Variants in MCTP1 observed in about 807,000 individuals in gnomAD.
MCTP1 encodes the protein multiple C2 and transmembrane domain containing 1, also known as multiple C2 and transmembrane domain-containing protein 1.
In MCTP1, 69 loss-of-function variants were observed where a neutral mutation model predicts 120.6. The observed-to-expected ratio is 0.57, with a 90% CI of 0.47 to 0.70. The LOEUF (loss-of-function observed/expected upper bound fraction) is 0.70. Ranked by LOEUF, MCTP1 falls within the 30% of genes least tolerant of loss-of-function variation. The pLI is 0.00. For synonymous variants in MCTP1, 529 were observed against 493.1 expected (o/e 1.07, Z -0.96); for missense variants, 1,203 against 1,248.8 (o/e 0.96, Z 0.55).
intron 1 of MCTP1, among the ~76,000 whole-genome samples, chr5:95,221,162 A>G (rs891053006): frequency 5.3e-5 from 8 of 152,026 alleles, no homozygotes; most frequent in Non-Finnish European, 1.0e-4. Flanking sequence ...TAACATGCCA[A>G]TGTGCTCTGA....
chr5:95,084,270 A>G (rs1755261296), intron 1 of MCTP1, among the ~76,000 whole-genome samples: 1 of 152,120 alleles, frequency 6.6e-6, no homozygotes, highest in Admixed American at 6.6e-5. Context: ...TTATTTCCAT[A>G]TTTTGGTACA....
intron 1 of MCTP1, among the ~76,000 whole-genome samples, chr5:95,246,206 C>G (rs1037414455): frequency 7.9e-5 from 12 of 152,122 alleles, no homozygotes; most frequent in Non-Finnish European, 1.8e-4. Context: ...ATAACTAGTA[C>G]CAGCCACTGC....
At chr5:94,850,683 T>G (rs1362841569) in intron 17 of MCTP1, among the ~76,000 whole-genome samples, 4 of 152,086 alleles carry the variant, frequency 2.6e-5, no homozygotes, top group Admixed American at 2.6e-4. Context: ...CTTTTGAAGG[T>G]TTCTTTTCTT....
intron 1 of MCTP1, among the ~76,000 whole-genome samples, chr5:95,106,631 C>T (rs1424584835): frequency 1.3e-5 from 2 of 152,156 alleles, no homozygotes; most frequent in Admixed American, 1.3e-4. Flanking sequence ...CGCTTCAATT[C>T]AACAAACATG....
At chr5:94,992,669 T>C (rs1379303852) in intron 2 of MCTP1, among the ~76,000 whole-genome samples, 3 of 152,188 alleles carry the variant, frequency 2.0e-5, no homozygotes, top group African/African-American at 7.2e-5. Flanking sequence ...CAAATGGGAA[T>C]TGCTAAATAA....
At chr5:95,171,789 G>C (rs117917684) in intron 1 of MCTP1, among the ~76,000 whole-genome samples, 1 of 152,032 alleles carries the variant, frequency 6.6e-6, no homozygotes, top group Non-Finnish European at 1.5e-5. Context: ...CTCTACACTG[G>C]TTAATCTAGT....
intron 1 of MCTP1, among the ~76,000 whole-genome samples, chr5:95,207,501 A>ATTAAATTGAT (rs1751759551): frequency 6.6e-6 from 1 of 152,194 alleles, no homozygotes; most frequent in African/African-American, 2.4e-5. Context: ...GCTAAATCTG[A>ATTAAATTGAT]TTAAATTGAT....
At chr5:95,032,946 T>C (rs1356816237) in intron 1 of MCTP1, among the ~76,000 whole-genome samples, 1 of 151,862 alleles carries the variant, frequency 6.6e-6, no homozygotes, top group African/African-American at 2.4e-5. Context: ...AATACAAAAG[T>C]TCCTCAGAGA....
In MCTP1 at chr5:95,248,790, CA is replaced by C. The variant is rs1757080962; in HGVS notation, c.720+35065del. Among the ~76,000 whole-genome samples, 6 of 152,244 alleles carry C rather than the reference CA, an allele frequency of 3.9e-5. No individual in the cohort carries two copies. The South Asian group carries it at 1.2e-3, about 32-fold the overall frequency. ...AACTATACTACAAGGCTACAGTAAC[CA>C]AAACAGGATGGTATGGTACCAAAAC... is the stretch of plus-strand genomic sequence containing the variant. On this transcript the variant is annotated intron_variant, in intron 1 of 22. Coordinates refer to ENST00000515393, the MANE Select transcript of MCTP1 (RefSeq NM_024717.7).
intron 1 of MCTP1, among the ~76,000 whole-genome samples, chr5:95,209,470 A>T (rs1246464972): frequency 6.6e-6 from 1 of 152,114 alleles, no homozygotes; most frequent in Non-Finnish European, 1.5e-5. Flanking sequence ...GATTATTCCT[A>T]TACTCAAAAA....
chr5:94,794,764 AT>A (rs1490969965), intron 18 of MCTP1, among the ~76,000 whole-genome samples: 1 of 152,248 alleles, frequency 6.6e-6, no homozygotes, highest in Non-Finnish European at 1.5e-5. Context: ...AAATTGCTTG[AT>A]AAATATCATT....
chr5:95,097,166 A>G (rs910009040), intron 1 of MCTP1, among the ~76,000 whole-genome samples: 9 of 152,196 alleles, frequency 5.9e-5, no homozygotes, highest in Admixed American at 3.3e-4. Context: ...AAAATAATCA[A>G]TGTTAATGTA....
At chr5:95,004,077 T>C (rs1008420714) in intron 2 of MCTP1, among the ~76,000 whole-genome samples, 1 of 152,216 alleles carries the variant, frequency 6.6e-6, no homozygotes, top group Admixed American at 6.5e-5. Context: ...CATTTGGAAC[T>C]AGAGTAAAGG....
At chr5:95,104,967 T>C (rs1756985932) in intron 1 of MCTP1, among the ~76,000 whole-genome samples, 1 of 152,348 alleles carries the variant, frequency 6.6e-6, no homozygotes, top group Middle Eastern at 3.4e-3. Context: ...TTTATCATTA[T>C]CTGTTCTGTA....
chr5:95,024,524 A>G (rs907131744), intron 1 of MCTP1, among the ~76,000 whole-genome samples: 2 of 152,140 alleles, frequency 1.3e-5, no homozygotes, highest in Admixed American at 6.6e-5. Flanking sequence ...TGAAAATTTG[A>G]AGGCTTTTCC....
intron 1 of MCTP1, among the ~76,000 whole-genome samples, chr5:95,019,437 C>G (rs1198438079): frequency 6.6e-6 from 1 of 151,994 alleles, no homozygotes; most frequent in Non-Finnish European, 1.5e-5. Context: ...CACGCCCCCA[C>G]CCCTAGTAAC....
At chr5:95,163,892 T>C (rs1238410530) in intron 1 of MCTP1, among the ~76,000 whole-genome samples, 1 of 152,220 alleles carries the variant, frequency 6.6e-6, no homozygotes, top group Non-Finnish European at 1.5e-5. Context: ...AGCTCATTAA[T>C]TATCTCATGC....
intron 19 of MCTP1, among the ~76,000 whole-genome samples, chr5:94,773,810 C>A (rs1453690231): frequency 6.6e-6 from 1 of 152,240 alleles, no homozygotes; most frequent in Non-Finnish European, 1.5e-5. Context: ...AGGAAAGATC[C>A]ACTCCATGAT....
At chr5:95,216,709 C>G (rs1288005981) in intron 1 of MCTP1, among the ~76,000 whole-genome samples, 1 of 152,164 alleles carries the variant, frequency 6.6e-6, no homozygotes, top group Non-Finnish European at 1.5e-5. Flanking sequence ...TTGTTATAAA[C>G]ACACTGTCAT....
Sources: gnomAD v4.1 joint callset for allele counts (sites outside exome capture counted in the v4.1 genomes callset) on GRCh38, gnomAD v4.1.1 for gene constraint, MANE v1.5 for transcripts, NCBI Gene and HGNC (gene_info 2026-07-23, HGNC 2026-07-21) for gene names.